Variants in ACVR2A observed in about 807,000 individuals in gnomAD.
ACVR2A encodes the protein activin A receptor type 2A.
ACVR2A carries 7 observed loss-of-function variants against 61.4 expected under a neutral mutation model. The observed-to-expected ratio is 0.11, with a 90% CI of 0.06 to 0.21. The LOEUF (loss-of-function observed/expected upper bound fraction) is 0.21. ACVR2A is among the 10% of genes least tolerant of loss of function. The pLI is 1.00. For missense variants in ACVR2A, 322 were observed against 621.7 expected, an observed-to-expected ratio of 0.52 and a Z score of 5.13; for synonymous variants, 193 against 208.3, an observed-to-expected ratio of 0.93 and a Z score of 0.63.
chr2:147,917,606 G>A (rs551991237), intron 6 of ACVR2A, among the ~76,000 whole-genome samples, 180 bp downstream of exon 6: 9 of 151,936 alleles, frequency 5.9e-5, no homozygotes, highest in Non-Finnish European at 8.8e-5. Context: ...TAATAAAAGA[G>A]CAAAGATGGC....
intron 1 of ACVR2A, among the ~76,000 whole-genome samples, chr2:147,887,984 T>C (rs1252432014): frequency 6.6e-6 from 1 of 152,348 alleles, no homozygotes; most frequent in East Asian, 1.9e-4. Flanking sequence ...CTGGGCTTTC[T>C]GGAACTACTG....
At chr2:147,845,264 C>G (rs982200703) in intron 1 of ACVR2A, 57 bp downstream of exon 1, 2 of 1,481,994 alleles carry the variant, frequency 1.3e-6, no homozygotes, top group African/African-American at 1.4e-5. Flanking sequence ...GCGGCCGCTG[C>G]TGGGGGCCGC....
At chr2:147,913,253 T>C (rs1471936950) in intron 4 of ACVR2A, among the ~76,000 whole-genome samples, 1 of 151,876 alleles carries the variant, frequency 6.6e-6, no homozygotes, top group Non-Finnish European at 1.5e-5. Context: ...GAACAGAGAA[T>C]GGGTAATGTG....
chr2:147,908,055 G>GA (rs1038557736), intron 4 of ACVR2A, among the ~76,000 whole-genome samples: 1,804 of 121,288 alleles, frequency 0.015, 43 homozygotes, highest in African/African-American at 0.049. Context: ...AAAAAAAAAA[G>GA]AAAAAAAAGA....
chr2:147,868,391 T>G (rs1187758824), intron 1 of ACVR2A, among the ~76,000 whole-genome samples: 1 of 152,132 alleles, frequency 6.6e-6, no homozygotes, highest in African/African-American at 2.4e-5. Context: ...GAAAAATAAG[T>G]TGGGCACAGA....
intron 1 of ACVR2A, among the ~76,000 whole-genome samples, chr2:147,886,208 C>A (rs1686427079): frequency 6.6e-6 from 1 of 152,126 alleles, no homozygotes; most frequent in South Asian, 2.1e-4. Context: ...TTTAATCCAT[C>A]TTCTATAGCT....
chr2:147,908,634 T>TAG (rs1467496743), intron 4 of ACVR2A, among the ~76,000 whole-genome samples: 25 of 152,208 alleles, frequency 1.6e-4, no homozygotes, highest in African/African-American at 6.0e-4. Context: ...CTGTTTCTAT[T>TAG]CTGCTTGGCA....
intron 1 of ACVR2A, among the ~76,000 whole-genome samples, chr2:147,883,397 G>T (rs1380145258): frequency 6.6e-6 from 1 of 152,142 alleles, no homozygotes; most frequent in Non-Finnish European, 1.5e-5. Context: ...TGCCATGTTG[G>T]CCAGGCTGGT....
intron 4 of ACVR2A, among the ~76,000 whole-genome samples, chr2:147,912,434 C>G (rs886582017): frequency 1.3e-5 from 2 of 151,898 alleles, no homozygotes; most frequent in African/African-American, 4.8e-5. Flanking sequence ...CCTCTCAGCT[C>G]CCCATTGGTT....
At chr2:147,925,233 G>A (rs1318635055) in intron 9 of ACVR2A, among the ~76,000 whole-genome samples, 2 of 151,902 alleles carry the variant, frequency 1.3e-5, no homozygotes, top group Non-Finnish European at 1.5e-5. Flanking sequence ...TGCAAATTAT[G>A]TAACTTTTCT....
chr2:147,890,341 AGTGT>A (rs60514095), intron 1 of ACVR2A, among the ~76,000 whole-genome samples: 198 of 148,918 alleles, frequency 1.3e-3, no homozygotes, highest in South Asian at 3.0e-3. Flanking sequence ...CCATTAGTAT[AGTGT>A]GTGTGTGTGT....
chr2:147,891,741 A>G (rs1016169399), intron 1 of ACVR2A, among the ~76,000 whole-genome samples: 8 of 152,326 alleles, frequency 5.3e-5, no homozygotes, highest in East Asian at 1.9e-4. Context: ...GACAGACCAC[A>G]TGGCCTGTAA....
At chr2:147,879,966 GTTC>G (rs1686257670) in intron 1 of ACVR2A, among the ~76,000 whole-genome samples, 1 of 152,046 alleles carries the variant, frequency 6.6e-6, no homozygotes, top group African/African-American at 2.4e-5. Flanking sequence ...CTTCCCTGAT[GTTC>G]TTTTTTGTTG....
chr2:147,853,802 A>G, intron 1 of ACVR2A, among the ~76,000 whole-genome samples: 1 of 152,114 alleles, frequency 6.6e-6, no homozygotes, highest in East Asian at 1.9e-4. Flanking sequence ...TTTTAAAGGA[A>G]AAGTTTATTG....
chr2:147,873,968 G>C (rs1481149945), intron 1 of ACVR2A, among the ~76,000 whole-genome samples: 1 of 151,924 alleles, frequency 6.6e-6, no homozygotes, highest in Non-Finnish European at 1.5e-5. Context: ...GGATAGCAGC[G>C]TGGCATGGAG....
chr2:147,927,373 G>C lies in ACVR2A; in HGVS notation c.*99G>C. ...GTTTATTTTCTGTGTAAAATGAGTAGGATGTCTCTTGGAAATGTTAAGAAA... is the reference window on the plus strand; with the variant it reads ...GTTTATTTTCTGTGTAAAATGAGTACGATGTCTCTTGGAAATGTTAAGAAA... On this transcript the variant is annotated 3_prime_UTR_variant, in exon 11 of 11. Coordinates refer to ENST00000241416, the MANE Select transcript of ACVR2A (RefSeq NM_001616.5). 8.6e-7 allele frequency: 1 copy of C among 1,164,358 alleles called. No homozygotes were observed. The highest frequency in any genetic ancestry group is 1.2e-6 in the Non-Finnish European group (1 of 843,998). 72.1% of individuals were successfully genotyped at this position (1,164,358 alleles called of 1,614,324 possible). A position where few individuals can be genotyped will look rare whatever the true frequency, so the allele number is the denominator to read the frequency against.
At chr2:147,891,609 A>C (rs1020694174) in intron 1 of ACVR2A, among the ~76,000 whole-genome samples, 5 of 152,188 alleles carry the variant, frequency 3.3e-5, no homozygotes, top group African/African-American at 1.2e-4. Context: ...TGTGAGTTGT[A>C]AAAACTACAT....
chr2:147,874,021 A>G (rs2105161232), intron 1 of ACVR2A, among the ~76,000 whole-genome samples: 1 of 152,032 alleles, frequency 6.6e-6, no homozygotes, highest in South Asian at 2.1e-4. Flanking sequence ...GTCTGAGGTA[A>G]ATGATTGATT....
chr2:147,926,209 T>C, intron 10 of ACVR2A, 48 bp downstream of exon 10: 1 of 1,581,972 alleles, frequency 6.3e-7, no homozygotes, highest in Non-Finnish European at 8.6e-7. Context: ...TAAAACACTT[T>C]TCAGAGGAAT....
Sources: gnomAD v4.1 joint callset for allele counts (sites outside exome capture counted in the v4.1 genomes callset) on GRCh38, gnomAD v4.1.1 for gene constraint, MANE v1.5 for transcripts, NCBI Gene and HGNC (gene_info 2026-07-23, HGNC 2026-07-21) for gene names.